DUOXA2: variants seen among roughly 807,000 people sequenced by gnomAD.
The protein encoded by DUOXA2 is dual oxidase maturation factor 2.
In DUOXA2, 22 loss-of-function variants were observed where a neutral mutation model predicts 27.6. The observed-to-expected ratio is 0.80, with a 90% CI of 0.57 to 1.14. The LOEUF (loss-of-function observed/expected upper bound fraction) is 1.14, where lower values mean the gene tolerates loss of function less well. DUOXA2 is among the 50% of genes most tolerant of loss of function. The probability of loss-of-function intolerance (pLI) is 0.00; values close to 1 mark genes in which losing one functional copy is unlikely to be tolerated. For synonymous variants in DUOXA2, 188 were observed against 184.4 expected, an observed-to-expected ratio of 1.02 and a Z score of -0.16; for missense variants, 481 against 419.9, an observed-to-expected ratio of 1.15 and a Z score of -1.27.
intron 3 of DUOXA2, 45 bp from the exon 4 acceptor site, chr15:45,116,471 G>C (rs1045434231): frequency 6.2e-7 from 1 of 1,607,504 alleles, no homozygotes; most frequent in Non-Finnish European, 8.5e-7. Context: ...TTAGTTGCGA[G>C]GTCTCCGACC....
rs1288246839 is a variant in DUOXA2, at chr15:45,117,084, C to G, written c.555-7C>G. ...CGCTCACAGCGGGTCCCCCCACTCC[C>G]CGGCAGGGTGGCGTTCTGCTTCTGG... On this transcript the variant is annotated splice_region_variant and splice_polypyrimidine_tract_variant and intron_variant, in intron 4 of 5. Coordinates refer to ENST00000323030, the MANE Select transcript of DUOXA2 (RefSeq NM_207581.4). 6.3e-7 allele frequency: 1 copy of G among 1,598,012 alleles called. No individual in the cohort carries two copies. Among genetic ancestry groups the G allele is most frequent in the Non-Finnish European group, 8.5e-7 (1 of 1,179,704 alleles).
In DUOXA2 at chr15:45,115,874, C is replaced by T. The variant is rs754592268; in HGVS notation, c.205+18C>T. ...AATTGTGGGTGAGTGTGTGGTGCAG[C>T]CCATGGGGAGAGGACGGGGTGAGGA... On this transcript the variant is annotated intron_variant, in intron 2 of 5. Transcript: ENST00000323030. The T allele has an allele frequency of 6.2e-7, 1 of 1,613,916 alleles. No homozygotes were observed. Among genetic ancestry groups the T allele is most frequent in the Non-Finnish European group, 8.5e-7 (1 of 1,179,984 alleles).
rs781126484 is a variant in DUOXA2, at chr15:45,116,676, C to T, written c.501C>T (p.Cys167=). 1.2e-6 allele frequency: 2 copies of T among 1,613,748 alleles called. No individual in the cohort carries two copies. The highest frequency in any genetic ancestry group is 1.7e-5 in the Admixed American group (1 of 60,032). The stretch of plus-strand genomic sequence containing the variant: ...AGAAGTTCACACCGAGTAGCCCTTG[C>T]GGCCTGTACCACCAGTACCACCTGG... ...LAEKFTPSSP[C]GLYHQYHLAG... Residue 167 remains cysteine (C), a synonymous_variant, in exon 4 of 6, where the codon TGC becomes TGT. Coordinates refer to ENST00000323030, the MANE Select transcript of DUOXA2 (RefSeq NM_207581.4).
chr15:45,114,473 C>T lies in DUOXA2; in HGVS notation c.-133C>T. 4.0e-6 allele frequency: 5 copies of T among 1,265,658 alleles called. No individual in the cohort carries two copies. The highest frequency in any genetic ancestry group is 5.5e-6 in the Non-Finnish European group (5 of 903,166). 78.4% of individuals were successfully genotyped at this position (1,265,658 alleles called of 1,614,324 possible). On this transcript the variant is annotated 5_prime_UTR_variant, in exon 1 of 6. Coordinates refer to ENST00000323030, the MANE Select transcript of DUOXA2 (RefSeq NM_207581.4). The stretch of plus-strand genomic sequence containing the variant: ...TTCCTTAACGGAGAGGTGCAGGACT[C>T]AGACTTCACCAGCCCACTCGGTCCC...
rs751387006 is a variant in DUOXA2 at position 45,116,177 on chromosome 15, T to G, written c.259T>G (p.Tyr87Asp). 35 of 1,592,404 alleles carry G rather than the reference T, an allele frequency of 2.2e-5. No individual in the cohort carries two copies. Among genetic ancestry groups the G allele is most frequent in the African/African-American group, 4.1e-5 (3 of 73,784 alleles). The change falls in exon 3 of 6, where the codon TAC becomes GAC. Residue 87 changes from tyrosine to aspartate, a missense_variant. Tyr to Asp is a radical substitution (Grantham distance 160). Coordinates refer to ENST00000323030, the MANE Select transcript of DUOXA2 (RefSeq NM_207581.4). The stretch of plus-strand genomic sequence containing the variant: ...GGGTACAGTGAACACCAACACATCC[T>G]ACAAAGCCTTCAGCGCAGCGCGCGT... ...FVGTVNTNTS[Y>D]KAFSAARVTA...
intron 4 of DUOXA2, 147 bp from the exon 5 acceptor site, chr15:45,116,944 G>C: frequency 8.9e-7 from 1 of 1,122,660 alleles, no homozygotes; most frequent in Non-Finnish European, 1.3e-6. Flanking sequence ...TCAGGAGCCC[G>C]CTTCTCCCCC....
rs1324248967 is a variant in DUOXA2, at chr15:45,117,826, G to A, written c.880G>A (p.Gly294Arg). Reference protein sequence around the residue: ...QSAKDCSQERGGSPLILGDPL... With the variant: ...QSAKDCSQERRGSPLILGDPL... ...CGCCAAGGACTGCAGCCAGGAGAGAGGGGGCTCACCTCTTATCCTCGGCGA... is the reference window on the plus strand; with the variant it reads ...CGCCAAGGACTGCAGCCAGGAGAGAAGGGGCTCACCTCTTATCCTCGGCGA... The change falls in exon 6 of 6, where the codon GGG becomes AGG. Residue 294 changes from glycine to arginine, a missense_variant. Coordinates refer to ENST00000323030, the MANE Select transcript of DUOXA2 (RefSeq NM_207581.4). 6.8e-6 allele frequency: 11 copies of A among 1,613,898 alleles called. No homozygotes were observed. The highest frequency in any genetic ancestry group is 2.2e-5 in the East Asian group (1 of 44,878).
intron 5 of DUOXA2, 137 bp from the exon 6 acceptor site, chr15:45,117,579 C>A: frequency 6.2e-7 from 1 of 1,605,212 alleles, no homozygotes; most frequent in Non-Finnish European, 8.5e-7. Flanking sequence ...GAAGAAGGCC[C>A]GGGCATCACG....
chr15:45,117,027 G>A (rs1472830219), intron 4 of DUOXA2, 64 bp from the exon 5 acceptor site: 21 of 1,547,106 alleles, frequency 1.4e-5, no homozygotes, highest in Non-Finnish European at 1.8e-5. Flanking sequence ...GAAGAGCGCA[G>A]CTGTGGGAAC....
At position 45,117,698 on chromosome 15, in the gene DUOXA2, C is replaced by T. The variant is rs1415795855; in HGVS notation, c.770-18C>T. Reference sequence around the variant, plus strand: ...TGACTCCACATGCCCTCCTTTCTTTCGATCCCCACCGCCACAGGCGTCCTG... The same window carrying T: ...TGACTCCACATGCCCTCCTTTCTTTTGATCCCCACCGCCACAGGCGTCCTG... On this transcript the variant is annotated intron_variant, in intron 5 of 5. Coordinates refer to ENST00000323030, the MANE Select transcript of DUOXA2 (RefSeq NM_207581.4). 2.5e-6 allele frequency: 4 copies of T among 1,613,626 alleles called. No individual in the cohort carries two copies. In the East Asian group the frequency reaches 6.7e-5, roughly 27 times the overall value.
intron 1 of DUOXA2, 32 bp from the exon 2 acceptor site, chr15:45,115,767 C>A (rs745570046): frequency 1.4e-5 from 22 of 1,613,894 alleles, no homozygotes; most frequent in Non-Finnish European, 1.8e-5. Context: ...TTTGGCAGGG[C>A]TCAGGCCTGA....
rs1396927780 is a variant in DUOXA2, at chr15:45,117,269, C to A, written c.733C>A (p.Gln245Lys). Residue 245 changes from glutamine to lysine, a missense_variant, in exon 5 of 6, where the codon CAG (glutamine) becomes AAG (lysine). Physicochemically the swap from Gln to Lys is moderately conservative, Grantham distance 53. Transcript: ENST00000323030. ...CCTAGGCTCCTCCGCGCTCACCACT[C>A]AGTACGGCGCCGCCTTCTGGGTCAC... Reference protein sequence around the residue: ...LRLGSSALTTQYGAAFWVTLA... With the variant: ...LRLGSSALTTKYGAAFWVTLA... 1.9e-6 allele frequency: 3 copies of A among 1,604,380 alleles called. No individual in the cohort carries two copies. The highest frequency in any genetic ancestry group is 1.7e-6 in the Non-Finnish European group (2 of 1,174,624).
At position 45,115,842 on chromosome 15, in the gene DUOXA2, G is replaced by A; in HGVS notation, c.191G>A (p.Gly64Asp). 6.2e-7 allele frequency: 1 copy of A among 1,614,096 alleles called. No homozygotes were observed. Residue 64 changes from glycine to aspartate, a missense_variant, in exon 2 of 6, where the codon GGC becomes GAC. Coordinates refer to ENST00000323030, the MANE Select transcript of DUOXA2 (RefSeq NM_207581.4). The part of the protein sequence containing the change: ...LVRVLLSLFI[G>D]AEIVAVHFSA... ...AGAGTTCTTCTCAGTCTGTTCATAG[G>A]CGCAGAAATTGTGGGTGAGTGTGTG...
Position 45,116,263 on chromosome 15 carries a change from G to C in DUOXA2, c.340+5G>C, listed in dbSNP as rs371681297. ...GCATTAATATTACACTCACAGGTGA[G>C]GGGGCTGGGGCTAAATGAACTCCTG... On this transcript the variant is annotated splice_donor_5th_base_variant and intron_variant, in intron 3 of 5. Coordinates refer to ENST00000323030, the MANE Select transcript of DUOXA2 (RefSeq NM_207581.4). 44 of 1,613,756 alleles carry C rather than the reference G, an allele frequency of 2.7e-5. No individual in the cohort carries two copies. The African/African-American group carries it at 5.7e-4, about 21-fold the overall frequency.
In DUOXA2 at chr15:45,118,237, G is replaced by A; in HGVS notation, c.*328G>A. The A allele has an allele frequency of 7.1e-7, 1 of 1,406,746 alleles. No individual in the cohort carries two copies. The highest frequency in any genetic ancestry group is 9.2e-7 in the Non-Finnish European group (1 of 1,087,294). 87.1% of individuals were successfully genotyped at this position (1,406,746 alleles called of 1,614,324 possible). A position where few individuals can be genotyped will look rare whatever the true frequency, so the allele number is the denominator to read the frequency against. On this transcript the variant is annotated 3_prime_UTR_variant, in exon 6 of 6. Transcript: ENST00000323030. ...AACCTGATTCTCTGCGTCGACTCCA[G>A]AGTAATAGGGGCGCCCTCTAGTGAG...
At chr15:45,116,790 G>C in intron 4 of DUOXA2, 61 bp downstream of exon 4, 1 of 1,575,542 alleles carries the variant, frequency 6.3e-7, no homozygotes, top group Middle Eastern at 2.1e-4. Context: ...GGCCGTATGA[G>C]CGGGAGGATG....
rs374382660 is a variant in DUOXA2 at position 45,116,635 on chromosome 15, G to C, written c.460G>C (p.Val154Leu). ...NALEKGLPDP[V>L]LYLAEKFTPS... is the part of the protein sequence containing the mutation. ...ACTGGAGAAGGGGCTGCCGGACCCA[G>C]TGCTCTACCTGGCGGAGAAGTTCAC... The change falls in exon 4 of 6, where the codon GTG becomes CTG. Residue 154 changes from valine to leucine, a missense_variant. Physicochemically the swap from Val to Leu is conservative, Grantham distance 32. Transcript: ENST00000323030. The C allele has an allele frequency of 3.7e-6, 6 of 1,613,810 alleles. No individual in the cohort carries two copies. The highest frequency in any genetic ancestry group is 5.1e-6 in the Non-Finnish European group (6 of 1,180,062).
In DUOXA2 at chr15:45,114,612, C is replaced by CTG. The variant is rs1555414714; in HGVS notation, c.10_11dup (p.Trp4CysfsTer27). 6 of 1,614,106 alleles carry CTG rather than the reference C, an allele frequency of 3.7e-6. No individual in the cohort carries two copies. Among genetic ancestry groups the CTG allele is most frequent in the Non-Finnish European group, 5.1e-6 (6 of 1,180,018 alleles). ...CACTCGGCCGGCGTGCAGCATGACCCTGTGGAACGGCGTACTGCCTTTTTA... is the reference window on the plus strand; with the variant it reads ...CACTCGGCCGGCGTGCAGCATGACCCTGTGTGGAACGGCGTACTGCCTTTTTA... On this transcript the variant is annotated frameshift_variant, in exon 1 of 6. Transcript: ENST00000323030. LOFTEE classifies it high-confidence loss of function.
intron 5 of DUOXA2, 77 bp downstream of exon 5, chr15:45,117,382 C>A: frequency 1.3e-6 from 2 of 1,503,004 alleles, no homozygotes; most frequent in Admixed American, 4.2e-5. Flanking sequence ...TTCCAGTTTA[C>A]AGAATGAATT....
Sources: gnomAD v4.1 joint callset for allele counts on GRCh38, gnomAD v4.1.1 for gene constraint, MANE v1.5 for transcripts, NCBI Gene and HGNC (gene_info 2026-07-23, HGNC 2026-07-21) for gene names.